Variants in SORCS1 observed in about 807,000 individuals in gnomAD.
SORCS1 encodes sortilin related VPS10 domain containing receptor 1.
Under a neutral mutation model 146.1 loss-of-function variants are expected in SORCS1, and 60 were observed. That is an observed-to-expected ratio of 0.41 (90% CI 0.33 to 0.51). The LOEUF is 0.51. Ranked by LOEUF, SORCS1 falls within the 20% of genes least tolerant of loss-of-function variation. The pLI, the probability that SORCS1 is intolerant of heterozygous loss-of-function variation, is 0.21. For synonymous variants in SORCS1, 637 were observed against 584.0 expected (o/e 1.09, Z -1.31); for missense variants, 1,352 against 1,487.6 (o/e 0.91, Z 1.50).
intron 1 of SORCS1, among the ~76,000 whole-genome samples, chr10:107,059,427 T>C (rs772404337): frequency 1.2e-4 from 19 of 152,224 alleles, no homozygotes; most frequent in Non-Finnish European, 1.8e-4. Context: ...GCAATTACTT[T>C]GCTTTGTTTT....
rs772772510 is a variant in SORCS1 at position 106,579,090 on chromosome 10, C to T, written c.3371+279G>A. On this transcript the variant is annotated intron_variant, in intron 25 of 25. Transcript: ENST00000263054. ...GCTGGTGGCTACTGGGAATCATTTA[C>T]CTATGAGCTGGGATTCCACCTTCTC... 17 of 1,613,750 alleles carry T rather than the reference C, an allele frequency of 1.1e-5. No individual in the cohort carries two copies. In the Admixed American group the frequency reaches 2.3e-4, roughly 22 times the overall value.
intron 1 of SORCS1, among the ~76,000 whole-genome samples, chr10:107,138,133 G>C (rs1394397238): frequency 1.3e-5 from 2 of 152,002 alleles, no homozygotes; most frequent in African/African-American, 4.8e-5. Flanking sequence ...CACATAATAG[G>C]TGGTCAATTA....
chr10:106,801,702 T>G (rs545045909), intron 3 of SORCS1, among the ~76,000 whole-genome samples: 1 of 152,144 alleles, frequency 6.6e-6, no homozygotes, highest in South Asian at 2.1e-4. Flanking sequence ...GCTAATTTTT[T>G]TGTATTTTTA....
At chr10:107,113,482 G>A (rs1195777106) in intron 1 of SORCS1, among the ~76,000 whole-genome samples, 1 of 151,762 alleles carries the variant, frequency 6.6e-6, no homozygotes, top group African/African-American at 2.4e-5. Context: ...AGGTCAAGAG[G>A]TCAAGACCAT....
chr10:106,986,527 TG>T (rs1564890640), intron 1 of SORCS1, among the ~76,000 whole-genome samples: 6 of 93,200 alleles, frequency 6.4e-5, no homozygotes, highest in Non-Finnish European at 1.5e-4. Flanking sequence ...TGTGTGTGTG[TG>T]TGTGTGTGTG....
chr10:106,784,483 G>C (rs967027743), intron 3 of SORCS1, among the ~76,000 whole-genome samples: 1 of 151,836 alleles, frequency 6.6e-6, no homozygotes, highest in African/African-American at 2.4e-5. Context: ...CAGTCACTAT[G>C]AGAACTAATT....
intron 2 of SORCS1, among the ~76,000 whole-genome samples, chr10:106,931,989 A>C (rs887312829): frequency 2.0e-5 from 3 of 152,190 alleles, no homozygotes; most frequent in African/African-American, 7.2e-5. Context: ...CCATAACAGC[A>C]GTAATATTCA....
At chr10:106,753,231 G>A (rs1451868230) in intron 5 of SORCS1, among the ~76,000 whole-genome samples, 1 of 152,108 alleles carries the variant, frequency 6.6e-6, no homozygotes, top group Non-Finnish European at 1.5e-5. Flanking sequence ...AAAATGCAGA[G>A]GCTCAGTCTC....
chr10:106,887,492 A>G (rs1010573549), intron 2 of SORCS1, among the ~76,000 whole-genome samples: 3 of 152,142 alleles, frequency 2.0e-5, no homozygotes, highest in African/African-American at 7.2e-5. Context: ...CAGGAGAATC[A>G]CTTGAACCCA....
chr10:107,039,589 C>T (rs532388492), intron 1 of SORCS1, among the ~76,000 whole-genome samples: 19 of 152,322 alleles, frequency 1.2e-4, no homozygotes, highest in African/African-American at 4.3e-4. Context: ...ATCCTTCTTT[C>T]CTCTCTGGCT....
chr10:106,805,300 A>G (rs1315666783), intron 3 of SORCS1, among the ~76,000 whole-genome samples: 2 of 152,068 alleles, frequency 1.3e-5, no homozygotes, highest in Non-Finnish European at 2.9e-5. Flanking sequence ...GGGAGATTTG[A>G]AAGGATTAAC....
chr10:106,723,995 ATATAT>A (rs1398132689), intron 6 of SORCS1, among the ~76,000 whole-genome samples: 21 of 152,328 alleles, frequency 1.4e-4, no homozygotes, highest in Admixed American at 3.3e-4. Flanking sequence ...TTTTAAATTA[ATATAT>A]TATATATCAA....
At chr10:107,173,846 G>A in the SORCS1 span, among the ~76,000 whole-genome samples, 1 of 152,170 alleles carries the variant, frequency 6.6e-6, no homozygotes, top group South Asian at 2.1e-4. Flanking sequence ...GAAGTCAAGT[G>A]ACTACGTGTG....
Position 106,667,785 on chromosome 10 carries a change from C to T in SORCS1, c.2207G>A (p.Arg736Gln), listed in dbSNP as rs371901226. Reference sequence around the variant, plus strand: ...CGGCAGGCACTGGCCATTGCTGTGTCGCTCATAACCATAGTCGCTGTTAGG... The same window carrying T: ...CGGCAGGCACTGGCCATTGCTGTGTTGCTCATAACCATAGTCGCTGTTAGG... ...ADFDCDYGYE[R>Q]HSNGQCLPAF... Residue 736 changes from arginine to glutamine, a missense_variant, in exon 17 of 26, where the codon CGA (arginine) becomes CAA (glutamine). Arg to Gln is a conservative substitution (Grantham distance 43, BLOSUM62 1). This residue lies in a region of SORCS1 where 648 missense variants were observed against 793.8 expected (regional missense o/e 0.82). Transcript: ENST00000263054. The T allele has an allele frequency of 3.1e-6, 5 of 1,613,740 alleles. No homozygotes were observed. Among genetic ancestry groups the T allele is most frequent in the Middle Eastern group, 1.6e-4 (1 of 6,084 alleles).
chr10:106,889,529 C>G (rs1264757353), intron 2 of SORCS1, among the ~76,000 whole-genome samples: 1 of 151,864 alleles, frequency 6.6e-6, no homozygotes, highest in African/African-American at 2.4e-5. Flanking sequence ...TTTGGGAGGC[C>G]GAGGTGGGCA....
In SORCS1 at chr10:106,925,020, T is replaced by C. The variant is rs528834904; in HGVS notation, c.626+31493A>G. On this transcript the variant is annotated intron_variant, in intron 2 of 25. Transcript: ENST00000263054. ...TAAACCATATTTACTTCAAAAATTA[T>C]TTTAAAAATAGTACTTTTATATGCT... Among the ~76,000 whole-genome samples, 8 of 148,594 alleles carry C rather than the reference T, an allele frequency of 5.4e-5. No individual in the cohort carries two copies. The South Asian group carries it at 1.3e-3, about 24-fold the overall frequency.
intron 1 of SORCS1, among the ~76,000 whole-genome samples, chr10:107,054,858 T>C (rs1960448172): frequency 6.6e-6 from 1 of 152,230 alleles, no homozygotes. Flanking sequence ...CAATTAATAG[T>C]GAACTTTCCT....
intron 24 of SORCS1, among the ~76,000 whole-genome samples, chr10:106,593,984 C>T (rs1055437452): frequency 6.6e-6 from 1 of 152,166 alleles, no homozygotes; most frequent in African/African-American, 2.4e-5. Context: ...CAGTTCTTCC[C>T]AACTTTGCAT....
intron 1 of SORCS1, among the ~76,000 whole-genome samples, chr10:107,082,964 C>A (rs1435853841): frequency 6.6e-6 from 1 of 151,832 alleles, no homozygotes; most frequent in East Asian, 1.9e-4. Flanking sequence ...AAAAAATTAG[C>A]CAGGCGTGGT....
Sources: allele counts gnomAD v4.1 joint callset (sites outside exome capture counted in the v4.1 genomes callset), GRCh38; gene constraint gnomAD v4.1.1; regional missense constraint gnomAD v4.1.1; transcripts MANE v1.5; gene names NCBI Gene and HGNC (gene_info 2026-07-23, HGNC 2026-07-21).